Variants in ARAP1 observed in about 807,000 individuals in gnomAD.
The protein encoded by ARAP1 is arf-GAP with Rho-GAP domain, ANK repeat and PH domain-containing protein 1.
Under a neutral mutation model 172.2 loss-of-function variants are expected in ARAP1, and 76 were observed. That is an observed-to-expected ratio of 0.44 (90% CI 0.37 to 0.53). The LOEUF (loss-of-function observed/expected upper bound fraction) is 0.53. ARAP1 is among the 20% of genes least tolerant of loss of function. ARAP1 has a pLI of 0.00. For missense variants in ARAP1, 1,686 were observed against 1,977.5 expected (o/e 0.85, Z 2.80); for synonymous variants, 804 against 803.3 (o/e 1.00, Z -0.01).
At chr11:72,707,079 C>G in intron 12 of ARAP1, 96 bp downstream of exon 12, 1 of 1,313,134 alleles carries the variant, frequency 7.6e-7, no homozygotes, top group Non-Finnish European at 1.0e-6. Context: ...TGAGTGCTGT[C>G]TCCGCTCCAG....
intron 3 of ARAP1, chr11:72,721,808 C>T (rs528546316): frequency 4.6e-5 from 45 of 986,002 alleles, no homozygotes; most frequent in Non-Finnish European, 5.1e-5. Flanking sequence ...CTCCCTCCTA[C>T]GTGCCCAACA....
chr11:72,704,985 T>G (rs1412556043), intron 13 of ARAP1: 1 of 152,700 alleles, frequency 6.5e-6, no homozygotes, highest in Non-Finnish European at 1.5e-5. Context: ...TCCCTGGGCT[T>G]CAAGGCTGTA....
chr11:72,734,738 T>C (rs1342063347), intron 1 of ARAP1, among the ~76,000 whole-genome samples: 2 of 151,068 alleles, frequency 1.3e-5, no homozygotes, highest in African/African-American at 4.9e-5. Context: ...TGCTGTCCAA[T>C]AGCAGCCAGC....
intron 30 of ARAP1, among the ~76,000 whole-genome samples, chr11:72,691,321 C>G (rs1278262096): frequency 6.6e-6 from 1 of 152,042 alleles, no homozygotes; most frequent in Non-Finnish European, 1.5e-5. Flanking sequence ...TTCTAGCTCT[C>G]CTGCCTCCTT....
At chr11:72,692,872 G>T in intron 29 of ARAP1, 87 bp from the exon 30 acceptor site, 1 of 1,539,742 alleles carries the variant, frequency 6.5e-7, no homozygotes, top group Non-Finnish European at 8.9e-7. Context: ...GTTGGGGTGT[G>T]TGTATGGCAT....
At position 72,707,287 on chromosome 11, in the gene ARAP1, C is replaced by T. The variant is rs758254843; in HGVS notation, c.1611G>A (p.Val537=). The change falls in exon 12 of 35, where the codon GTG becomes GTA. Residue 537 remains valine (V), a synonymous_variant. Coordinates refer to ENST00000393609, the MANE Select transcript of ARAP1 (RefSeq NM_001040118.3). ...AIAEALSTSE[V]AERIWAAAPN... is the part of the protein sequence containing the mutation. ...GGGCTGCAGCCCAGATGCGCTCGGC[C>T]ACCTCCGAGGTAGACAGGGCCTCAG... 2.5e-6 allele frequency: 4 copies of T among 1,613,596 alleles called. No individual in the cohort carries two copies. The highest frequency in any genetic ancestry group is 3.4e-6 in the Non-Finnish European group (4 of 1,179,920).
At chr11:72,691,916 C>A (rs977103894) in intron 30 of ARAP1, among the ~76,000 whole-genome samples, 4 of 152,140 alleles carry the variant, frequency 2.6e-5, no homozygotes, top group African/African-American at 9.7e-5. Flanking sequence ...TCATAAGAAG[C>A]GCACAACCTA....
At chr11:72,746,545 G>A (rs1268593439) in intron 1 of ARAP1, among the ~76,000 whole-genome samples, 1 of 152,214 alleles carries the variant, frequency 6.6e-6, no homozygotes, top group African/African-American at 2.4e-5. Context: ...GGGACTCACA[G>A]GCACATAAAA....
chr11:72,695,535 C>A lies in ARAP1; in HGVS notation c.3507+7G>T. 6.2e-7 allele frequency: 1 copy of A among 1,614,136 alleles called. No individual in the cohort carries two copies. Among genetic ancestry groups the A allele is most frequent in the Non-Finnish European group, 8.5e-7 (1 of 1,180,038 alleles). ...TCCAAGCCCCCCACCCAGGCTCCAG[C>A]CTTCACCTGGGTCCCACTGGCAGTG... is the stretch of plus-strand genomic sequence containing the variant. On this transcript the variant is annotated splice_region_variant and intron_variant, in intron 25 of 34. Transcript: ENST00000393609. The surrounding 1 kb of genome is among the most constrained non-coding windows in gnomAD (Gnocchi z 4.4).
chr11:72,697,956 C>G lies in ARAP1; in HGVS notation c.2692G>C (p.Gly898Arg). The G allele has an allele frequency of 6.2e-7, 1 of 1,611,768 alleles. No individual in the cohort carries two copies. Among genetic ancestry groups the G allele is most frequent in the Non-Finnish European group, 8.5e-7 (1 of 1,179,200 alleles). Residue 898 changes from glycine to arginine, a missense_variant, in exon 19 of 35, where the codon GGG (glycine) becomes CGG (arginine). By Grantham distance (125) the Gly-to-Arg change is moderately radical. Coordinates refer to ENST00000393609, the MANE Select transcript of ARAP1 (RefSeq NM_001040118.3). ...AGTTGCAGCGGCTCTTCGCAGGGCCCCTCCGGGAAGACAGCACGGAGCTCC... is the reference window on the plus strand; with the variant it reads ...AGTTGCAGCGGCTCTTCGCAGGGCCGCTCCGGGAAGACAGCACGGAGCTCC... ...GSELRAVFPE[G>R]PCEEPLQLRK...
intron 3 of ARAP1, among the ~76,000 whole-genome samples, chr11:72,715,331 C>T (rs897403213): frequency 6.6e-5 from 10 of 150,734 alleles, no homozygotes; most frequent in Middle Eastern, 3.4e-3. Context: ...CTGCCAGTGC[C>T]CTGCAGGGGC....
At chr11:72,717,344 A>G (rs1254221924) in intron 3 of ARAP1, among the ~76,000 whole-genome samples, 1 of 152,134 alleles carries the variant, frequency 6.6e-6, no homozygotes, top group Non-Finnish European at 1.5e-5. Context: ...CAGTCCAGGG[A>G]GGTGGGGACA....
At chr11:72,702,758 G>A in intron 15 of ARAP1, 147 bp downstream of exon 15, 1 of 986,766 alleles carries the variant, frequency 1.0e-6, no homozygotes, top group Non-Finnish European at 1.5e-6. Context: ...AATACACACT[G>A]ACATGCAAAC....
rs941549947 is a variant in ARAP1 at position 72,709,808 on chromosome 11, C to T, written c.1523+62G>A. On this transcript the variant is annotated intron_variant, in intron 11 of 34. Coordinates refer to ENST00000393609, the MANE Select transcript of ARAP1 (RefSeq NM_001040118.3). ...TAGGAAGGGGCAGCTTCCCACGTCG[C>T]GCAAAAGGAAAACATTAGGAAGGAG... The T allele has an allele frequency of 2.2e-5, 35 of 1,569,316 alleles. No homozygotes were observed. In the African/African-American group the frequency reaches 2.8e-4, roughly 13 times the overall value.
intron 1 of ARAP1, among the ~76,000 whole-genome samples, chr11:72,733,793 T>A (rs1410246544): frequency 6.6e-6 from 1 of 152,246 alleles, no homozygotes; most frequent in Non-Finnish European, 1.5e-5. Flanking sequence ...AGGATAGGGC[T>A]AAAACAGGTA....
Position 72,695,233 on chromosome 11 carries a change from A to C in ARAP1, c.3577-136T>G. The C allele has an allele frequency of 7.6e-7, 1 of 1,320,618 alleles. No individual in the cohort carries two copies. The highest frequency in any genetic ancestry group is 2.3e-5 in the East Asian group (1 of 42,942). 81.8% of individuals were successfully genotyped at this position (1,320,618 alleles called of 1,614,324 possible). On this transcript the variant is annotated intron_variant, in intron 26 of 34. Transcript: ENST00000393609. This position sits in a 1 kb window ranked among gnomAD's most constrained non-coding sequence, Gnocchi z 4.4. ...CCTGGGATAGAGAGGGGTATTTCTG[A>C]GTGGTCCTTAGGAGCAGACCCCAGC...
At chr11:72,688,657 C>T (rs1273014952) in intron 30 of ARAP1, 120 bp from the exon 31 acceptor site, 5 of 811,442 alleles carry the variant, frequency 6.2e-6, no homozygotes, top group South Asian at 1.7e-5. Flanking sequence ...CAGCACAGGG[C>T]GCCTCCTCCA....
In ARAP1 at chr11:72,685,482, C is replaced by T; in HGVS notation, c.*182G>A. ...GGGAGAGGTTCCTGCCCAGGCTGAC[C>T]CCTGCTGCCTCCCACCCCTGCCGGG... On this transcript the variant is annotated 3_prime_UTR_variant, in exon 35 of 35. Transcript: ENST00000393609. 5 of 813,130 alleles carry T rather than the reference C, an allele frequency of 6.1e-6. No individual in the cohort carries two copies. The highest frequency in any genetic ancestry group is 9.8e-6 in the Non-Finnish European group (5 of 509,446). 50.4% of individuals were successfully genotyped at this position (813,130 alleles called of 1,614,324 possible). A position where few individuals can be genotyped will look rare whatever the true frequency, so the allele number is the denominator to read the frequency against.
At chr11:72,705,762 G>T (rs754377452) in intron 13 of ARAP1, 43 bp downstream of exon 13, 2 of 1,606,890 alleles carry the variant, frequency 1.2e-6, no homozygotes, top group South Asian at 2.2e-5. Context: ...GCTGTTGAAT[G>T]GGGCAGACCC....
Sources: gnomAD v4.1 joint callset for allele counts (sites outside exome capture counted in the v4.1 genomes callset) on GRCh38, gnomAD v4.1.1 for gene constraint, Gnocchi (gnomAD v3.1) non-coding constraint, MANE v1.5 for transcripts, NCBI Gene and HGNC (gene_info 2026-07-23, HGNC 2026-07-21) for gene names.